The following TRIP4 variants were observed in gnomAD, a reference collection of about 807,000 sequenced individuals.
The protein encoded by TRIP4 is activating signal cointegrator 1.
Under a neutral mutation model 81.8 loss-of-function variants are expected in TRIP4, and 54 were observed. The observed-to-expected ratio is 0.66, with a 90% CI of 0.53 to 0.83. TRIP4 has a LOEUF of 0.83. TRIP4 is among the 40% of genes least tolerant of loss of function. The pLI, the probability that TRIP4 is intolerant of heterozygous loss-of-function variation, is 0.00. For synonymous variants in TRIP4, 270 were observed against 242.8 expected (o/e 1.11, Z -1.04); for missense variants, 662 against 683.6 (o/e 0.97, Z 0.35).
chr15:64,397,693 C>T lies in TRIP4; in HGVS notation c.493C>T (p.Leu165Phe). The change falls in exon 4 of 13, where the codon CTC (leucine) becomes TTC (phenylalanine). Residue 165 changes from leucine to phenylalanine, a missense_variant. Transcript: ENST00000261884. Reference protein sequence around the residue: ...REGQDRLAVLLPGRHPCDCLG... With the variant: ...REGQDRLAVLFPGRHPCDCLG... ...GGGACAGGACAGGCTTGCAGTCCTG[C>T]TCCCTGGTCGTCACCCTTGTGATTG... The T allele has an allele frequency of 1.2e-6, 2 of 1,614,214 alleles. No individual in the cohort carries two copies. The highest frequency in any genetic ancestry group is 1.7e-6 in the Non-Finnish European group (2 of 1,180,028).
chr15:64,404,543 T>G (rs1462232515), intron 5 of TRIP4, among the ~76,000 whole-genome samples: 1 of 152,072 alleles, frequency 6.6e-6, no homozygotes, highest in Non-Finnish European at 1.5e-5. Context: ...CCTCCTGACC[T>G]CAGGTGATCC....
intron 7 of TRIP4, among the ~76,000 whole-genome samples, chr15:64,411,826 C>A (rs1487813147): frequency 1.3e-5 from 2 of 152,074 alleles, no homozygotes; most frequent in South Asian, 2.1e-4. Flanking sequence ...ACTACCAACG[C>A]CCGCCACCAC....
intron 9 of TRIP4, among the ~76,000 whole-genome samples, chr15:64,422,756 ACAGT>A (rs1892047909): frequency 6.6e-6 from 1 of 152,210 alleles, no homozygotes; most frequent in Non-Finnish European, 1.5e-5. Flanking sequence ...CATCTAGTAC[ACAGT>A]CACTTTATTT....
At chr15:64,388,406 A>G (rs897545222) in intron 1 of TRIP4, among the ~76,000 whole-genome samples, 14 of 152,186 alleles carry the variant, frequency 9.2e-5, no homozygotes, top group Non-Finnish European at 1.6e-4. Context: ...TTCCGGGTTC[A>G]GGTGATTCAC....
intron 11 of TRIP4, among the ~76,000 whole-genome samples, chr15:64,431,872 G>GTTTTTT (rs1426771087): frequency 1.2e-5 from 1 of 80,798 alleles, no homozygotes. Context: ...AGAGCATTGT[G>GTTTTTT]TTTTCTTTTT....
At chr15:64,401,168 C>G (rs1891497825) in intron 5 of TRIP4, among the ~76,000 whole-genome samples, 1 of 148,996 alleles carries the variant, frequency 6.7e-6, no homozygotes, top group Non-Finnish European at 1.5e-5. Context: ...GAGTCTCGCT[C>G]TGTCACCCAG....
chr15:64,429,960 T>G (rs1048799235), intron 11 of TRIP4, among the ~76,000 whole-genome samples: 4 of 152,190 alleles, frequency 2.6e-5, no homozygotes, highest in Non-Finnish European at 5.9e-5. Context: ...TTCAGTAATT[T>G]ACTTCTGACC....
chr15:64,442,235 G>C (rs1181267843), intron 11 of TRIP4, among the ~76,000 whole-genome samples: 3 of 151,850 alleles, frequency 2.0e-5, no homozygotes, highest in Admixed American at 6.6e-5. Context: ...GCTGTGTTGA[G>C]AATAGACCAA....
chr15:64,393,720 G>A lies in TRIP4; in HGVS notation c.102-226G>A, dbSNP rs144787416. On this transcript the variant is annotated intron_variant, in intron 1 of 12. Transcript: ENST00000261884. ...TTAATTCCATCACTCACTAGTAATC[G>A]TTTTGGTGTATAACGTTGTTTTTTT... The A allele has an allele frequency of 2.4e-5, 8 of 331,276 alleles. No individual in the cohort carries two copies. In the East Asian group the frequency reaches 2.8e-4, roughly 12 times the overall value. 20.5% of individuals were successfully genotyped at this position (331,276 alleles called of 1,614,324 possible). A position where few individuals can be genotyped will look rare whatever the true frequency, so the allele number is the denominator to read the frequency against.
At position 64,409,528 on chromosome 15, in the gene TRIP4, T is replaced by C. The variant is rs540789360; in HGVS notation, c.828-85T>C. ...CTGATTTTGGAACATATTTGAGATA[T>C]TAAGTTACCTTGAAACTGTTTTCCA... On this transcript the variant is annotated intron_variant, in intron 6 of 12. Transcript: ENST00000261884. 5.4e-3 allele frequency: 7,045 copies of C among 1,307,798 alleles called. 77 individuals are homozygous for C. The highest frequency in any genetic ancestry group is 0.03 in the South Asian group (2,359 of 78,754). The allele number at this position is 1,307,798 out of a possible 1,614,324, so 81.0% of individuals were successfully genotyped here. A position where few individuals can be genotyped will look rare whatever the true frequency, so the allele number is the denominator to read the frequency against.
intron 4 of TRIP4, among the ~76,000 whole-genome samples, chr15:64,399,964 C>T (rs1000732054): frequency 2.7e-5 from 4 of 148,034 alleles, no homozygotes; most frequent in Non-Finnish European, 6.0e-5. Flanking sequence ...GACAAAGCCA[C>T]ACCCTGCTCA....
intron 12 of TRIP4, among the ~76,000 whole-genome samples, chr15:64,452,050 T>C (rs1892779428): frequency 6.6e-6 from 1 of 151,966 alleles, no homozygotes; most frequent in Non-Finnish European, 1.5e-5. Flanking sequence ...AACCTCCACC[T>C]CCTGGGCTCA....
chr15:64,434,441 TGATA>T (rs1892344647), intron 11 of TRIP4, among the ~76,000 whole-genome samples: 2 of 151,302 alleles, frequency 1.3e-5, no homozygotes, highest in African/African-American at 4.9e-5. Context: ...TTTGTTCAGA[TGATA>T]GATAGTTTTG....
chr15:64,409,897 A>G (rs1377504653), intron 7 of TRIP4, 69 bp downstream of exon 7: 12 of 1,371,566 alleles, frequency 8.7e-6, no homozygotes, highest in Non-Finnish European at 1.1e-5. Context: ...TTCCCTTTCT[A>G]GTGGATCTTT....
chr15:64,414,485 C>T (rs1222751175), intron 8 of TRIP4, among the ~76,000 whole-genome samples: 1 of 147,778 alleles, frequency 6.8e-6, no homozygotes, highest in East Asian at 2.0e-4. Context: ...ACAGAAATTC[C>T]ATGGTTCTTT....
chr15:64,436,836 C>T (rs1196674400), intron 11 of TRIP4, among the ~76,000 whole-genome samples: 2 of 111,688 alleles, frequency 1.8e-5, no homozygotes, highest in South Asian at 3.3e-4. Flanking sequence ...TGCAGTGGCG[C>T]GATCTCGGCT....
intron 11 of TRIP4, among the ~76,000 whole-genome samples, chr15:64,438,376 A>G (rs1048002003): frequency 6.6e-6 from 1 of 152,134 alleles, no homozygotes; most frequent in Non-Finnish European, 1.5e-5. Context: ...CTGGAGTGCA[A>G]TGGCACGATC....
intron 7 of TRIP4, among the ~76,000 whole-genome samples, chr15:64,412,961 A>G (rs377723787): frequency 6.6e-5 from 10 of 152,182 alleles, no homozygotes; most frequent in African/African-American, 2.2e-4. Flanking sequence ...GATGTATCCA[A>G]TGATTGTTTA....
At chr15:64,433,983 C>T (rs1043708470) in intron 11 of TRIP4, among the ~76,000 whole-genome samples, 60 of 151,920 alleles carry the variant, frequency 3.9e-4, no homozygotes, top group African/African-American at 1.4e-3. Flanking sequence ...ACAATTCTTC[C>T]AGCGTGGCCC....
Sources: gnomAD v4.1 joint callset for allele counts (sites outside exome capture counted in the v4.1 genomes callset) on GRCh38, gnomAD v4.1.1 for gene constraint, MANE v1.5 for transcripts, NCBI Gene and HGNC (gene_info 2026-07-23, HGNC 2026-07-21) for gene names.